The following RHPN1 variants were observed in gnomAD, a reference collection of about 807,000 sequenced individuals.
RHPN1 encodes rhophilin-1.
RHPN1 carries 77 observed loss-of-function variants against 74.7 expected under a neutral mutation model. The ratio of observed to expected loss-of-function variants is 1.03; its 90% CI spans 0.86 to 1.25. The LOEUF is 1.25. Ranked by LOEUF, RHPN1 falls within the 50% of genes most tolerant of loss-of-function variation. RHPN1 has a pLI of 0.00. For missense variants in RHPN1, 987 were observed against 932.2 expected, an observed-to-expected ratio of 1.06 and a Z score of -0.77; for synonymous variants, 444 against 414.5, an observed-to-expected ratio of 1.07 and a Z score of -0.87.
intron 14 of RHPN1, 140 bp downstream of exon 14, chr8:143,382,108 G>A (rs1818782203): frequency 1.2e-6 from 1 of 864,544 alleles, no homozygotes. Context: ...CTCCTGGGCA[G>A]GGGCCACCTG....
upstream of RHPN1, chr8:143,366,864 G>A (rs1401636341): frequency 6.6e-6 from 1 of 152,228 alleles, no homozygotes; most frequent in Non-Finnish European, 1.5e-5. Flanking sequence ...AGCTGACTCT[G>A]AAGACTGCTA....
At chr8:143,381,995 G>T (rs368183684) in intron 14 of RHPN1, 27 bp downstream of exon 14, 1 of 1,545,080 alleles carries the variant, frequency 6.5e-7, no homozygotes, top group East Asian at 2.3e-5. Flanking sequence ...CCAGAGGGGC[G>T]GTCCCCAGCT....
intron 1 of RHPN1, among the ~76,000 whole-genome samples, chr8:143,369,914 T>C (rs984242087): frequency 6.6e-5 from 10 of 152,212 alleles, no homozygotes; most frequent in Non-Finnish European, 1.2e-4. Context: ...GAGGCGGTGC[T>C]ATCAGCCAGG....
At position 143,378,356 on chromosome 8, in the gene RHPN1, T is replaced by TCCGCCCCC; in HGVS notation, c.459+12_459+13insGCCCCCCC. 1.3e-6 allele frequency: 2 copies of TCCGCCCCC among 1,525,440 alleles called. No individual in the cohort carries two copies. Among genetic ancestry groups the TCCGCCCCC allele is most frequent in the Non-Finnish European group, 1.8e-6 (2 of 1,136,350 alleles). 94.5% of individuals were successfully genotyped at this position (1,525,440 alleles called of 1,614,324 possible). On this transcript the variant is annotated intron_variant, in intron 5 of 14. Coordinates refer to ENST00000289013, the MANE Select transcript of RHPN1 (RefSeq NM_052924.3). ...GGAGGCCCTGCGGCAGGTGTGTGGT[T>TCCGCCCCC]CCCCCGCCCACCCACCCTCCTGCAG...
At chr8:143,371,057 G>C (rs1354274246) in intron 1 of RHPN1, among the ~76,000 whole-genome samples, 1 of 152,182 alleles carries the variant, frequency 6.6e-6, no homozygotes, top group Non-Finnish European at 1.5e-5. Flanking sequence ...CCCCTGCCCA[G>C]GTAGATTGGG....
chr8:143,366,832 T>G (rs1194045438), upstream of RHPN1: 1 of 152,198 alleles, frequency 6.6e-6, no homozygotes, highest in Non-Finnish European at 1.5e-5. Context: ...GTCACTGATA[T>G]GGTAATGCCT....
intron 3 of RHPN1, among the ~76,000 whole-genome samples, chr8:143,377,080 G>A (rs114603705): frequency 0.036 from 5,500 of 151,522 alleles, 288 homozygotes; most frequent in African/African-American, 0.13. Flanking sequence ...GTGTCTGCAC[G>A]TGTGTGCATA....
chr8:143,376,657 C>G lies in RHPN1; in HGVS notation c.305+4C>G. 2.6e-6 allele frequency: 4 copies of G among 1,560,460 alleles called. No homozygotes were observed. Among genetic ancestry groups the G allele is most frequent in the Non-Finnish European group, 3.5e-6 (4 of 1,152,878 alleles). On this transcript the variant is annotated splice_donor_region_variant and intron_variant, in intron 3 of 14. Coordinates refer to ENST00000289013, the MANE Select transcript of RHPN1 (RefSeq NM_052924.3). The stretch of plus-strand genomic sequence containing the variant: ...TGGACCCTGGCCGGCATGGGAGGTG[C>G]GGGTGGGGGCCGGGACAGCACGTGC...
rs373146869 is a variant in RHPN1, at chr8:143,379,397, G to A, written c.834G>A (p.Gln278=). The stretch of plus-strand genomic sequence containing the variant: ...CTGCGTCCCTCTGCGCACTGGAGCA[G>A]CTCATGATGGCCCAGGCCCAGGAAT... The part of the protein sequence containing the change: ...MSAASLCALE[Q]LMMAQAQECV... The change falls in exon 8 of 15, where the codon CAG becomes CAA. Residue 278 remains glutamine, a synonymous_variant. Transcript: ENST00000289013. 6.9e-6 allele frequency: 11 copies of A among 1,594,084 alleles called. No homozygotes were observed. Among genetic ancestry groups the A allele is most frequent in the Non-Finnish European group, 9.4e-6 (11 of 1,170,944 alleles).
At chr8:143,380,027 C>T (rs1248816997) in intron 9 of RHPN1, 35 bp from the exon 10 acceptor site, 3 of 1,548,440 alleles carry the variant, frequency 1.9e-6, no homozygotes, top group East Asian at 2.4e-5. Flanking sequence ...GCCAAGGCCC[C>T]CCCGCGCAGG....
rs946640213 is a variant in RHPN1, at chr8:143,380,487, G to T, written c.1217-102G>T. 5.3e-6 allele frequency: 6 copies of T among 1,141,040 alleles called. No homozygotes were observed. The South Asian group carries it at 9.9e-5, about 19-fold the overall frequency. The allele number at this position is 1,141,040 out of a possible 1,614,324, so 70.7% of individuals were successfully genotyped here. On this transcript the variant is annotated intron_variant, in intron 10 of 14. Coordinates refer to ENST00000289013, the MANE Select transcript of RHPN1 (RefSeq NM_052924.3). ...GTGGCGCGCACCCCCAACGAAAGTG[G>T]CTGTGATGAGCCCCACAGCCCTGGC... is the stretch of plus-strand genomic sequence containing the variant.
At chr8:143,369,291 G>A (rs969531239) in intron 1 of RHPN1, among the ~76,000 whole-genome samples, 3 of 152,232 alleles carry the variant, frequency 2.0e-5, no homozygotes, top group African/African-American at 7.2e-5. Flanking sequence ...CGCTGAAGCG[G>A]GTTGGGGGGA....
chr8:143,368,589 C>G (rs1312566235), upstream of RHPN1: 2 of 156,680 alleles, frequency 1.3e-5, no homozygotes, highest in Admixed American at 1.3e-4. Flanking sequence ...GTTTCCCGAA[C>G]TTCTCCCGCA....
chr8:143,371,999 C>T (rs1013114719), intron 1 of RHPN1, among the ~76,000 whole-genome samples: 127 of 152,328 alleles, frequency 8.3e-4, no homozygotes, highest in African/African-American at 2.6e-3. Context: ...GCCTGTAGGC[C>T]GGGAAGTCAC....
chr8:143,378,260 C>A lies in RHPN1; in HGVS notation c.382-9C>A. The A allele has an allele frequency of 6.4e-7, 1 of 1,564,366 alleles. No individual in the cohort carries two copies. Among genetic ancestry groups the A allele is most frequent in the East Asian group, 2.4e-5 (1 of 41,808 alleles). On this transcript the variant is annotated splice_polypyrimidine_tract_variant and intron_variant, in intron 4 of 14. Coordinates refer to ENST00000289013, the MANE Select transcript of RHPN1 (RefSeq NM_052924.3). ...GGTACTGTGGATGCCAACACCTGCC[C>A]CCCATCAGGAGCTGATCTCAGTGCA...
upstream of RHPN1, among the ~76,000 whole-genome samples, chr8:143,366,441 C>T (rs911134682): frequency 2.2e-4 from 33 of 152,140 alleles, no homozygotes; most frequent in African/African-American, 7.5e-4. Context: ...TGCAGTGATA[C>T]ATTCTTGCTG....
chr8:143,377,018 ATG>A (rs1818304927), intron 3 of RHPN1, among the ~76,000 whole-genome samples: 1 of 130,940 alleles, frequency 7.6e-6, no homozygotes, highest in East Asian at 2.4e-4. Flanking sequence ...GTTTGCCTCT[ATG>A]TGTGCGTGTA....
At chr8:143,372,745 G>A (rs1817915916) in intron 1 of RHPN1, among the ~76,000 whole-genome samples, 1 of 149,542 alleles carries the variant, frequency 6.7e-6, no homozygotes, top group African/African-American at 2.5e-5. Flanking sequence ...TGGTGCGGGT[G>A]TCCAGCAGAC....
Position 143,375,659 on chromosome 8 carries a change from A to T in RHPN1, c.167A>T (p.Asn56Ile). Residue 56 changes from asparagine (N) to isoleucine (I), a missense_variant, in exon 2 of 15, where the codon AAC (asparagine) becomes ATC (isoleucine). Physicochemically the swap from Asn to Ile is moderately radical, Grantham distance 149 (BLOSUM62 -3). Transcript: ENST00000289013. ...KELQMRTGAE[N>I]LYRATSNNRV... The stretch of plus-strand genomic sequence containing the variant: ...CTGCAGATGCGGACGGGCGCTGAGA[A>T]CCTCTACAGGTCAGTGCTTGAGACT... The T allele has an allele frequency of 6.2e-7, 1 of 1,606,964 alleles. No homozygotes were observed.
Sources: gnomAD v4.1 joint callset for allele counts (sites outside exome capture counted in the v4.1 genomes callset) on GRCh38, gnomAD v4.1.1 for gene constraint, MANE v1.5 for transcripts, NCBI Gene and HGNC (gene_info 2026-07-23, HGNC 2026-07-21) for gene names.